The following ADSS2 variants were observed in gnomAD, a reference collection of about 807,000 sequenced individuals.
ADSS2 encodes adenylosuccinate synthase 2.
Under a neutral mutation model 60.0 loss-of-function variants are expected in ADSS2, and 30 were observed. That is an observed-to-expected ratio of 0.50 (90% CI 0.37 to 0.68). The LOEUF (loss-of-function observed/expected upper bound fraction) is 0.68. Among genes scored for constraint, ADSS2 ranks in the 30% least tolerant of loss-of-function variants. ADSS2 has a pLI of 0.00. For synonymous variants in ADSS2, 187 were observed against 193.1 expected, an observed-to-expected ratio of 0.97 and a Z score of 0.26; for missense variants, 373 against 554.8, an observed-to-expected ratio of 0.67 and a Z score of 3.29.
At chr1:244,412,724 T>C (rs550936016) in intron 11 of ADSS2, among the ~76,000 whole-genome samples, 162 of 152,292 alleles carry the variant, frequency 1.1e-3, no homozygotes, top group African/African-American at 3.8e-3. Context: ...TCCAGCAAGT[T>C]TGCTATGGCA....
intron 4 of ADSS2, 116 bp downstream of exon 4, chr1:244,432,429 A>G: frequency 1.3e-6 from 1 of 744,692 alleles, no homozygotes; most frequent in Non-Finnish European, 2.1e-6. Flanking sequence ...AATTACTACA[A>G]TCCATCCTAC....
At chr1:244,433,237 C>G (rs1207458867) in intron 3 of ADSS2, among the ~76,000 whole-genome samples, 1 of 151,808 alleles carries the variant, frequency 6.6e-6, no homozygotes, top group Non-Finnish European at 1.5e-5. Flanking sequence ...TGCTGTCTCA[C>G]AAAAAAGGAA....
At chr1:244,420,935 C>T (rs1054524305) in intron 7 of ADSS2, among the ~76,000 whole-genome samples, 3 of 152,112 alleles carry the variant, frequency 2.0e-5, no homozygotes, top group African/African-American at 7.2e-5. Context: ...GATCCTCCCA[C>T]CTCAGCCTCC....
chr1:244,417,840 C>A, intron 9 of ADSS2, 88 bp from the exon 10 acceptor site: 1 of 1,253,666 alleles, frequency 8.0e-7, no homozygotes. Context: ...ATAGCAAAGC[C>A]TCTTTGAGAT....
intron 3 of ADSS2, among the ~76,000 whole-genome samples, chr1:244,434,889 C>T (rs567532952): frequency 3.9e-5 from 6 of 152,096 alleles, no homozygotes; most frequent in Non-Finnish European, 5.9e-5. Flanking sequence ...CTGAACAGGG[C>T]GGGGCGCGGT....
chr1:244,436,354 G>T (rs1665100702), intron 3 of ADSS2, among the ~76,000 whole-genome samples: 1 of 152,172 alleles, frequency 6.6e-6, no homozygotes, highest in South Asian at 2.1e-4. Context: ...TTAAGAAGAT[G>T]GGCATGGATA....
chr1:244,435,005 A>G (rs1434349371), intron 3 of ADSS2, among the ~76,000 whole-genome samples: 1 of 151,720 alleles, frequency 6.6e-6, no homozygotes. Context: ...CTTCTCTACT[A>G]AAAATACAAA....
At chr1:244,437,824 A>T in intron 1 of ADSS2, 56 bp from the exon 2 acceptor site, 2 of 1,287,642 alleles carry the variant, frequency 1.6e-6, no homozygotes, top group South Asian at 1.2e-5. Context: ...CAAATAACCT[A>T]TCTCCCTCCA....
chr1:244,428,591 C>T (rs1664861538), intron 4 of ADSS2, among the ~76,000 whole-genome samples: 1 of 150,464 alleles, frequency 6.6e-6, no homozygotes, highest in Admixed American at 6.6e-5. Flanking sequence ...AAAGGAACTA[C>T]AAAAACGAGC....
At chr1:244,424,196 C>A in intron 5 of ADSS2, 125 bp downstream of exon 5, 1 of 1,211,900 alleles carries the variant, frequency 8.3e-7, no homozygotes, top group South Asian at 1.5e-5. Context: ...TGTTCATAAT[C>A]CTACTGATTT....
At chr1:244,424,243 A>T in intron 5 of ADSS2, 78 bp downstream of exon 5, 1 of 1,420,032 alleles carries the variant, frequency 7.0e-7, no homozygotes, top group Non-Finnish European at 9.7e-7. Context: ...TATTTTTCTT[A>T]AACTTCTGGT....
intron 11 of ADSS2, among the ~76,000 whole-genome samples, chr1:244,412,861 T>C (rs1314671751): frequency 6.6e-6 from 1 of 152,176 alleles, no homozygotes; most frequent in Non-Finnish European, 1.5e-5. Context: ...GTCCCATTAC[T>C]TCCTATTAAA....
chr1:244,447,396 A>T (rs1454264414), intron 1 of ADSS2, among the ~76,000 whole-genome samples: 1 of 152,202 alleles, frequency 6.6e-6, no homozygotes, highest in East Asian at 1.9e-4. Context: ...GAAACAGAAT[A>T]ATTTTGATCA....
At chr1:244,410,489 A>G (rs1450641554) in intron 12 of ADSS2, among the ~76,000 whole-genome samples, 2 of 125,172 alleles carry the variant, frequency 1.6e-5, no homozygotes, top group Non-Finnish European at 3.3e-5. Flanking sequence ...AATAGGCTTA[A>G]TTATTTTTAA....
At position 244,451,585 on chromosome 1, in the gene ADSS2, C is replaced by A. The variant is rs754028145; in HGVS notation, c.183+50G>T. The A allele has an allele frequency of 1.9e-6, 3 of 1,546,442 alleles. No individual in the cohort carries two copies. The highest frequency in any genetic ancestry group is 2.4e-5 in the East Asian group (1 of 42,518). On this transcript the variant is annotated intron_variant, in intron 1 of 12. Coordinates refer to ENST00000366535, the MANE Select transcript of ADSS2 (RefSeq NM_001126.5). The surrounding 1 kb of genome is among the most constrained non-coding windows in gnomAD (Gnocchi z 6.6). ...GAGTTCCCGGGCACCAGGAGCCAGG[C>A]AGCCCGAGCTCCCGGGCCCGGCTTC...
At chr1:244,445,499 G>A (rs531604579) in intron 1 of ADSS2, among the ~76,000 whole-genome samples, 1 of 152,112 alleles carries the variant, frequency 6.6e-6, no homozygotes, top group South Asian at 2.1e-4. Flanking sequence ...TTAGTTTAAG[G>A]AAGTCGGAAG....
chr1:244,424,088 A>C, intron 5 of ADSS2, 28 bp from the exon 6 acceptor site: 1 of 1,580,288 alleles, frequency 6.3e-7, no homozygotes, highest in East Asian at 2.2e-5. Flanking sequence ...ACAAGCTTTA[A>C]GTCAGACAAG....
At chr1:244,447,414 C>T (rs1665421138) in intron 1 of ADSS2, among the ~76,000 whole-genome samples, 1 of 152,168 alleles carries the variant, frequency 6.6e-6, no homozygotes, top group African/African-American at 2.4e-5. Flanking sequence ...TCAGACACCA[C>T]TGAGATGGTC....
upstream of ADSS2, chr1:244,451,962 C>G (rs556630544): frequency 4.7e-4 from 367 of 787,784 alleles, no homozygotes; most frequent in Admixed American, 6.9e-4. This position sits in a 1 kb window ranked among gnomAD's most constrained non-coding sequence, Gnocchi z 6.6. Flanking sequence ...CCGCCACCCT[C>G]CAGCCAGTCC....
Sources: allele counts gnomAD v4.1 joint callset (sites outside exome capture counted in the v4.1 genomes callset), GRCh38; gene constraint gnomAD v4.1.1; non-coding constraint Gnocchi (gnomAD v3.1); transcripts MANE v1.5; gene names NCBI Gene and HGNC (gene_info 2026-07-23, HGNC 2026-07-21).